STXBP6: variants seen among roughly 807,000 people sequenced by gnomAD.
STXBP6 encodes the protein syntaxin binding protein 6.
Under a neutral mutation model 26.9 loss-of-function variants are expected in STXBP6, and 21 were observed. That is an observed-to-expected ratio of 0.78 (90% CI 0.55 to 1.12). STXBP6 has a LOEUF of 1.12. STXBP6 is among the 50% of genes most tolerant of loss of function. The pLI is 0.00. For missense variants in STXBP6, 232 were observed against 257.9 expected, an observed-to-expected ratio of 0.90 and a Z score of 0.69; for synonymous variants, 97 against 92.6, an observed-to-expected ratio of 1.05 and a Z score of -0.27.
At chr14:24,926,597 G>A in intron 2 of STXBP6, among the ~76,000 whole-genome samples, 1 of 152,096 alleles carries the variant, frequency 6.6e-6, no homozygotes, top group East Asian at 1.9e-4. Context: ...ATCCATAGCT[G>A]GAGAGTAAAT....
chr14:24,899,230 A>G (rs975469858), intron 2 of STXBP6, among the ~76,000 whole-genome samples: 9 of 152,254 alleles, frequency 5.9e-5, no homozygotes, highest in Admixed American at 3.9e-4. Flanking sequence ...ATAAAATTAA[A>G]GCACTATATT....
intron 2 of STXBP6, among the ~76,000 whole-genome samples, chr14:24,964,179 C>G (rs1199733201): frequency 4.6e-5 from 7 of 151,974 alleles, no homozygotes; most frequent in Non-Finnish European, 5.9e-5. Context: ...GCACTGGGAA[C>G]AGAAAGGAGG....
chr14:24,945,090 G>A (rs1044527278), intron 2 of STXBP6, among the ~76,000 whole-genome samples: 1 of 143,878 alleles, frequency 7.0e-6, no homozygotes, highest in African/African-American at 2.6e-5. Flanking sequence ...CAATTTATTG[G>A]CTATAAAAAC....
intron 4 of STXBP6, among the ~76,000 whole-genome samples, chr14:24,853,240 T>C (rs1172156918): frequency 1.3e-5 from 2 of 151,926 alleles, no homozygotes; most frequent in Non-Finnish European, 2.9e-5. Flanking sequence ...GTTAAAGAGG[T>C]CAGAATGTAG....
intron 4 of STXBP6, among the ~76,000 whole-genome samples, chr14:24,850,124 T>C (rs1403100851): frequency 6.6e-6 from 1 of 152,080 alleles, no homozygotes; most frequent in East Asian, 1.9e-4. Context: ...TTTCCATGCC[T>C]GGGACACGCA....
chr14:24,842,606 T>C (rs75094641), intron 4 of STXBP6, among the ~76,000 whole-genome samples: 2 of 152,034 alleles, frequency 1.3e-5, no homozygotes, highest in East Asian at 3.9e-4. Context: ...TTCATTTTTA[T>C]CAACACAAGA....
chr14:24,871,554 G>A (rs901753092), intron 2 of STXBP6, among the ~76,000 whole-genome samples: 9 of 152,180 alleles, frequency 5.9e-5, no homozygotes, highest in Middle Eastern at 3.4e-3. Context: ...TGCTGTCAGG[G>A]GCCAAAGGTT....
chr14:24,813,361 A>C (rs1355455967), intron 5 of STXBP6, among the ~76,000 whole-genome samples: 2 of 152,210 alleles, frequency 1.3e-5, no homozygotes. Context: ...CAAATACCAC[A>C]ATATCAGTCA....
intron 2 of STXBP6, among the ~76,000 whole-genome samples, chr14:24,949,480 C>A (rs1336653518): frequency 6.6e-6 from 1 of 152,094 alleles, no homozygotes; most frequent in African/African-American, 2.4e-5. Context: ...TTCTAGATTG[C>A]TTAGAGCTCT....
At position 24,978,311 on chromosome 14, in the gene STXBP6, A is replaced by G. The variant is rs547613897; in HGVS notation, c.-32-3461T>C. On this transcript the variant is annotated intron_variant, in intron 1 of 5. Transcript: ENST00000323944. ...CAGCCATGCAGTCATTCTGCCACCTAATTTAAATGCTCTGAGCCTAGAGAG... is the reference window on the plus strand; with the variant it reads ...CAGCCATGCAGTCATTCTGCCACCTGATTTAAATGCTCTGAGCCTAGAGAG... Among the ~76,000 whole-genome samples, 13 of 152,288 alleles carry G rather than the reference A, an allele frequency of 8.5e-5. No homozygotes were observed. The South Asian group carries it at 2.3e-3, about 27-fold the overall frequency.
intron 2 of STXBP6, among the ~76,000 whole-genome samples, chr14:24,876,910 A>T (rs2070166533): frequency 6.6e-6 from 1 of 152,220 alleles, no homozygotes; most frequent in Non-Finnish European, 1.5e-5. Context: ...TGAGCTGAAG[A>T]TGTTAAGCCT....
intron 2 of STXBP6, among the ~76,000 whole-genome samples, chr14:24,870,913 T>C (rs1184676336): frequency 6.6e-6 from 1 of 152,234 alleles, no homozygotes; most frequent in Non-Finnish European, 1.5e-5. Flanking sequence ...GACTGGTCAG[T>C]ACTGCTATTT....
intron 4 of STXBP6, among the ~76,000 whole-genome samples, chr14:24,841,026 G>A (rs1762013158): frequency 6.6e-6 from 1 of 152,124 alleles, no homozygotes. Flanking sequence ...AATTAAGTTT[G>A]GCAGTGTATT....
chr14:25,016,768 T>TA (rs2075157979), intron 1 of STXBP6, among the ~76,000 whole-genome samples: 1 of 152,008 alleles, frequency 6.6e-6, no homozygotes, highest in African/African-American at 2.4e-5. Context: ...CATAAAACTT[T>TA]AAAAAAATAA....
chr14:24,988,369 C>T (rs1370896866), intron 1 of STXBP6, among the ~76,000 whole-genome samples: 2 of 152,074 alleles, frequency 1.3e-5, no homozygotes, highest in Non-Finnish European at 2.9e-5. Context: ...AAAATTGTCT[C>T]GTTGAGGAGA....
intron 2 of STXBP6, among the ~76,000 whole-genome samples, chr14:24,884,997 C>T (rs375751899): frequency 7.5e-4 from 114 of 152,198 alleles, no homozygotes; most frequent in Non-Finnish European, 1.2e-3. Flanking sequence ...CTAGCTTTTC[C>T]GAGACTTCAT....
chr14:24,886,552 ATGTTC>A (rs141845652), intron 2 of STXBP6, among the ~76,000 whole-genome samples: 8,500 of 152,232 alleles, frequency 0.056, 284 homozygotes, highest in East Asian at 0.1. Flanking sequence ...TTCAGATGAC[ATGTTC>A]TTGTTATTTT....
rs115835545 is a variant in STXBP6, at chr14:25,005,595, G to A, written c.-32-30745C>T. ...GCTGAGAAAGTTGCAACATTTTCAC[G>A]TGCACACAGAATGCTTACACACAAA... On this transcript the variant is annotated intron_variant, in intron 1 of 5. Transcript: ENST00000323944. Among the ~76,000 whole-genome samples the A allele has an allele frequency of 6.8e-3, 1,032 of 152,206 alleles. 10 individuals are homozygous for A. The highest frequency in any genetic ancestry group is 0.023 in the African/African-American group (960 of 41,520).
At chr14:24,998,736 C>T (rs2074672178) in intron 1 of STXBP6, among the ~76,000 whole-genome samples, 1 of 152,154 alleles carries the variant, frequency 6.6e-6, no homozygotes, top group Non-Finnish European at 1.5e-5. Flanking sequence ...CAGGCCCTAA[C>T]CTAGAGGAAG....
Sources: gnomAD v4.1 joint callset for allele counts (sites outside exome capture counted in the v4.1 genomes callset) on GRCh38, gnomAD v4.1.1 for gene constraint, MANE v1.5 for transcripts, NCBI Gene and HGNC (gene_info 2026-07-23, HGNC 2026-07-21) for gene names.